UBR4: variants seen among roughly 807,000 people sequenced by gnomAD.
UBR4 encodes ubiquitin protein ligase E3 component n-recognin 4, also known as E3 ubiquitin-protein ligase UBR4.
In UBR4, 124 loss-of-function variants were observed where a neutral mutation model predicts 575.6. The ratio of observed to expected loss-of-function variants is 0.22; its 90% CI spans 0.19 to 0.25. The LOEUF is 0.25. UBR4 is among the 10% of genes least tolerant of loss of function. The pLI is 1.00. For missense variants in UBR4, 4,818 were observed against 6,478.8 expected (o/e 0.74, Z 8.80); for synonymous variants, 2,455 against 2,473.7 (o/e 0.99, Z 0.22).
rs114742881 is a variant in UBR4, at chr1:19,122,408, C to G, written c.9817-396G>C. ...ACGTTCTTTCTAGGTTGTTCACATA[C>G]AAAATACTCAGTTTACTCCTCTAAG... On this transcript the variant is annotated intron_variant, in intron 66 of 105. Transcript: ENST00000375254. Among the ~76,000 whole-genome samples the G allele has an allele frequency of 5.5e-3, 843 of 152,322 alleles. 4 individuals carry two copies. Among genetic ancestry groups the G allele is most frequent in the Non-Finnish European group, 8.9e-3 (608 of 68,022 alleles).
At chr1:19,156,503 C>T (rs983373593) in intron 41 of UBR4, 80 bp from the exon 42 acceptor site, 4 of 1,514,158 alleles carry the variant, frequency 2.6e-6, no homozygotes. Context: ...ATGACGTTCC[C>T]TTTTTTCCTC....
At position 19,121,434 on chromosome 1, in the gene UBR4, G is replaced by A. The variant is rs762591353; in HGVS notation, c.9896C>T (p.Ser3299Phe). 13 of 1,612,276 alleles carry A rather than the reference G, an allele frequency of 8.1e-6. No homozygotes were observed. The highest frequency in any genetic ancestry group is 5.9e-6 in the Non-Finnish European group (7 of 1,178,740). Residue 3299 changes from serine to phenylalanine, a missense_variant and splice_region_variant, in exon 68 of 106, where the codon TCC becomes TTC. Transcript: ENST00000375254. ...GACTTGGAGGAGGAAGTACAGGACG[G>A]CTGCAAGCAGAGGAGACAGAGGCTC... ...NWQKFCIKDDSVLYFLLQVSF... is the reference protein window; with the variant it reads ...NWQKFCIKDDFVLYFLLQVSF...
At chr1:19,176,847 T>A (rs12090190) in intron 19 of UBR4, 120 bp from the exon 20 acceptor site, 6 of 1,142,338 alleles carry the variant, frequency 5.3e-6, no homozygotes, top group Non-Finnish European at 7.2e-6. Flanking sequence ...GTGTTCTACA[T>A]TCAAATATTC....
At chr1:19,147,972 T>C (rs1351296588) in intron 51 of UBR4, 21 bp downstream of exon 51, 1 of 1,606,632 alleles carries the variant, frequency 6.2e-7, no homozygotes, top group Admixed American at 1.7e-5. Flanking sequence ...TGCAATTTCC[T>C]TTCCCTGAGA....
rs773923146 is a variant in UBR4 at position 19,192,204 on chromosome 1, G to A, written c.1378C>T (p.Leu460=). Residue 460 remains leucine (L), a synonymous_variant, in exon 11 of 106, where the codon CTG becomes TTG. Transcript: ENST00000375254. ...GACACATACCCTTTTCCAGGCCCCA[G>A]TTTAGGGGAGCCCACTCCCTCTTTA... ...RTKEGVGSPK[L]GPGKGHQGFG... 1.4e-5 allele frequency: 23 copies of A among 1,613,962 alleles called. No individual in the cohort carries two copies. Among genetic ancestry groups the A allele is most frequent in the Middle Eastern group, 1.6e-4 (1 of 6,082 alleles).
At position 19,088,094 on chromosome 1, in the gene UBR4, C is replaced by T. The variant is rs941139400; in HGVS notation, c.14431-165G>A. On this transcript the variant is annotated intron_variant, in intron 98 of 105. Coordinates refer to ENST00000375254, the MANE Select transcript of UBR4 (RefSeq NM_020765.3). The surrounding 1 kb of genome is among the most constrained non-coding windows in gnomAD (Gnocchi z 4.0). The stretch of plus-strand genomic sequence containing the variant: ...CTTCTAATAAGGATAAAGACCCAGG[C>T]CCTTCTGCTATTCTCTCTTCCTACA... Among the ~76,000 whole-genome samples, 2 of 152,200 alleles carry T rather than the reference C, an allele frequency of 1.3e-5. No individual in the cohort carries two copies. The highest frequency in any genetic ancestry group is 4.8e-5 in the African/African-American group (2 of 41,438).
chr1:19,176,895 C>T (rs779307015), intron 19 of UBR4, among the ~76,000 whole-genome samples, 168 bp from the exon 20 acceptor site: 1 of 152,036 alleles, frequency 6.6e-6, no homozygotes, highest in Non-Finnish European at 1.5e-5. Context: ...CACTCAGGTA[C>T]GATAATAGCT....
Position 19,093,498 on chromosome 1 carries a change from G to C in UBR4, c.13938-12C>G. On this transcript the variant is annotated splice_polypyrimidine_tract_variant and intron_variant, in intron 95 of 105. Coordinates refer to ENST00000375254, the MANE Select transcript of UBR4 (RefSeq NM_020765.3). This position sits in a 1 kb window ranked among gnomAD's most constrained non-coding sequence, Gnocchi z 4.8. ...GATCTTCATCATATCTAGGAGGAAA[G>C]AGCAGAGTTTGAGGGTGTGAAAGGC... The C allele has an allele frequency of 1.9e-6, 3 of 1,613,678 alleles. No homozygotes were observed. Among genetic ancestry groups the C allele is most frequent in the Non-Finnish European group, 2.5e-6 (3 of 1,179,712 alleles).
At chr1:19,169,556 G>T in intron 26 of UBR4, 24 bp from the exon 27 acceptor site, 1 of 1,600,940 alleles carries the variant, frequency 6.2e-7, no homozygotes. Flanking sequence ...AAAGGACAAG[G>T]AATCATCACA....
Position 19,151,373 on chromosome 1 carries a change from G to A in UBR4, c.7213+270C>T, listed in dbSNP as rs115606158. The stretch of plus-strand genomic sequence containing the variant: ...GCCTCCTCTCGGCCTAAACACAGAA[G>A]TAGCCCCATTAGTGAGGTGGACACA... On this transcript the variant is annotated intron_variant, in intron 48 of 105. Coordinates refer to ENST00000375254, the MANE Select transcript of UBR4 (RefSeq NM_020765.3). 402 of 542,344 alleles carry A rather than the reference G, an allele frequency of 7.4e-4. 2 individuals carry two copies. The highest frequency in any genetic ancestry group is 6.8e-3 in the African/African-American group (356 of 52,648). The allele number at this position is 542,344 out of a possible 1,614,324, so 33.6% of individuals were successfully genotyped here.
Position 19,187,556 on chromosome 1 carries a change from G to C in UBR4, c.1395-16C>G. ...TCCCTGATGCCTACACAAAGAAAAA[G>C]GAAAACACAATCCTTAAAATAATTA... is the stretch of plus-strand genomic sequence containing the variant. On this transcript the variant is annotated splice_polypyrimidine_tract_variant and intron_variant, in intron 11 of 105. Transcript: ENST00000375254. 6.2e-7 allele frequency: 1 copy of C among 1,606,028 alleles called. No homozygotes were observed. Among genetic ancestry groups the C allele is most frequent in the Non-Finnish European group, 8.5e-7 (1 of 1,174,148 alleles).
chr1:19,123,208 T>G (rs141825891), intron 65 of UBR4, 148 bp from the exon 66 acceptor site: 1 of 839,200 alleles, frequency 1.2e-6, no homozygotes, highest in South Asian at 1.7e-5. Context: ...TCCCAGCACT[T>G]TGGAATGCCG....
At chr1:19,104,714 A>C (rs980612267) in intron 85 of UBR4, 48 bp from the exon 86 acceptor site, 1 of 1,579,390 alleles carries the variant, frequency 6.3e-7, no homozygotes, top group Non-Finnish European at 8.7e-7. Context: ...TGCCAAGGAT[A>C]CCAGTTACCT....
Position 19,162,002 on chromosome 1 carries a change from C to T in UBR4, c.4957-105G>A, listed in dbSNP as rs894998997. Reference sequence around the variant, plus strand: ...CCTATGGCGGGGTGAATAGTTGACTCGCAAATGACCCGTGGAAATCTACCA... The same window carrying T: ...CCTATGGCGGGGTGAATAGTTGACTTGCAAATGACCCGTGGAAATCTACCA... On this transcript the variant is annotated intron_variant, in intron 35 of 105. Coordinates refer to ENST00000375254, the MANE Select transcript of UBR4 (RefSeq NM_020765.3). The T allele has an allele frequency of 1.9e-5, 24 of 1,244,426 alleles. No homozygotes were observed. The African/African-American group carries it at 2.6e-4, about 13-fold the overall frequency. The allele number at this position is 1,244,426 out of a possible 1,614,324, so 77.1% of individuals were successfully genotyped here.
intron 101 of UBR4, 73 bp downstream of exon 101, chr1:19,086,072 G>C (rs74056749): frequency 1.3e-6 from 2 of 1,562,032 alleles, no homozygotes; most frequent in African/African-American, 2.7e-5. Context: ...CCAGGGGATT[G>C]GGCTGATAGC....
intron 59 of UBR4, 99 bp downstream of exon 59, chr1:19,138,984 C>A: frequency 1.4e-6 from 2 of 1,428,444 alleles, no homozygotes; most frequent in East Asian, 2.4e-5. Context: ...GTCTCTATAC[C>A]TTTTCTTTGC....
chr1:19,165,611 A>G, intron 30 of UBR4, 45 bp downstream of exon 30: 1 of 1,570,828 alleles, frequency 6.4e-7, no homozygotes, highest in Non-Finnish European at 8.7e-7. Context: ...TGCTTTCAAG[A>G]GGCATTCAAA....
intron 54 of UBR4, 131 bp downstream of exon 54, chr1:19,144,655 T>C (rs2084593672): frequency 7.7e-7 from 1 of 1,301,508 alleles, no homozygotes; most frequent in East Asian, 2.4e-5. Flanking sequence ...AAAGCTTTTA[T>C]TGATATTTGA....
intron 37 of UBR4, 134 bp downstream of exon 37, chr1:19,161,455 G>C: frequency 8.0e-7 from 1 of 1,242,996 alleles, no homozygotes; most frequent in South Asian, 1.5e-5. Context: ...CAACTGTGCA[G>C]ATCATCGATG....
Sources: gnomAD v4.1 joint callset for allele counts (sites outside exome capture counted in the v4.1 genomes callset) on GRCh38, gnomAD v4.1.1 for gene constraint, Gnocchi (gnomAD v3.1) non-coding constraint, MANE v1.5 for transcripts, NCBI Gene and HGNC (gene_info 2026-07-23, HGNC 2026-07-21) for gene names.